CCT5: variants seen among roughly 807,000 people sequenced by gnomAD.
The protein encoded by CCT5 is chaperonin containing TCP1 subunit 5, also known as T-complex protein 1 subunit epsilon.
A neutral mutation model predicts 55.0 loss-of-function variants in CCT5; 6 were observed. The observed-to-expected ratio is 0.11, with a 90% CI of 0.06 to 0.22. The LOEUF (loss-of-function observed/expected upper bound fraction) is 0.22, where lower values mean the gene tolerates loss of function less well. Among genes scored for constraint, CCT5 ranks in the 10% least tolerant of loss-of-function variants. CCT5 has a pLI of 1.00. For missense variants in CCT5, 560 were observed against 694.6 expected, an observed-to-expected ratio of 0.81 and a Z score of 2.18; for synonymous variants, 231 against 243.7, an observed-to-expected ratio of 0.95 and a Z score of 0.49.
Position 10,258,232 on chromosome 5 carries a change from A to G in CCT5, c.652A>G (p.Arg218Gly). 1 of 1,614,260 alleles carries G rather than the reference A, an allele frequency of 6.2e-7. No homozygotes were observed. The highest frequency in any genetic ancestry group is 8.5e-7 in the Non-Finnish European group (1 of 1,180,042). ...LIKVEGKVGG[R>G]LEDTKLIKGV... ...CAAAGTAGAAGGCAAAGTGGGCGGC[A>G]GGCTGGAGGACACTAAACTGATTAA... Residue 218 changes from arginine (R) to glycine (G), a missense_variant, in exon 5 of 11, where the codon AGG (arginine) becomes GGG (glycine). Arg to Gly is a moderately radical substitution (Grantham distance 125). Coordinates refer to ENST00000280326, the MANE Select transcript of CCT5 (RefSeq NM_012073.5).
At chr5:10,261,858 T>C (rs769955803) in intron 8 of CCT5, 113 bp downstream of exon 8, 1 of 846,082 alleles carries the variant, frequency 1.2e-6, no homozygotes, top group Non-Finnish European at 2.0e-6. Context: ...ATAATCGTGG[T>C]TCTCAAACAA....
upstream of CCT5, chr5:10,250,080 C>T: frequency 6.5e-7 from 1 of 1,538,310 alleles, no homozygotes; most frequent in Non-Finnish European, 8.7e-7. Flanking sequence ...TCAATCTGCT[C>T]TTGACTTGTG....
intron 10 of CCT5, 182 bp from the exon 11 acceptor site, chr5:10,264,474 T>G (rs1746128041): frequency 3.4e-6 from 2 of 591,680 alleles, no homozygotes; most frequent in Admixed American, 5.2e-5. Flanking sequence ...AGAGTGTCCT[T>G]GGAAGTAATG....
At chr5:10,255,092 T>C (rs1745606458) in intron 3 of CCT5, 1 of 502,086 alleles carries the variant, frequency 2.0e-6, no homozygotes, top group African/African-American at 1.9e-5. Flanking sequence ...GCTTGTCTTT[T>C]AAGCTATAAA....
In CCT5 at chr5:10,264,950, A is replaced by G; in HGVS notation, c.*167A>G. ...TAGTTTCACTTGTTCAAAGCTGTGT[A>G]ATCGTGGGGGTACCATCTCAACTGC... is the stretch of plus-strand genomic sequence containing the variant. On this transcript the variant is annotated 3_prime_UTR_variant, in exon 11 of 11. Transcript: ENST00000280326. 2.4e-6 allele frequency: 2 copies of G among 824,932 alleles called. No homozygotes were observed. Among genetic ancestry groups the G allele is most frequent in the Non-Finnish European group, 1.9e-6 (1 of 525,558 alleles). The allele number at this position is 824,932 out of a possible 1,614,324, so 51.1% of individuals were successfully genotyped here.
intron 6 of CCT5, among the ~76,000 whole-genome samples, chr5:10,259,178 A>G (rs1745830181): frequency 6.6e-6 from 1 of 152,310 alleles, no homozygotes; most frequent in African/African-American, 2.4e-5. Context: ...ACCAGAATGC[A>G]CTCATAGTAA....
chr5:10,262,751 CTAAGT>C (rs1746030337), intron 9 of CCT5, 133 bp downstream of exon 9: 2 of 950,464 alleles, frequency 2.1e-6, no homozygotes, highest in Non-Finnish European at 3.4e-6. Flanking sequence ...GTGTTTTAAT[CTAAGT>C]TAATTCCCAC....
At chr5:10,257,449 A>G (rs1328558330) in intron 4 of CCT5, among the ~76,000 whole-genome samples, 2 of 152,260 alleles carry the variant, frequency 1.3e-5, no homozygotes, top group Non-Finnish European at 2.9e-5. Flanking sequence ...TACTTAAGAT[A>G]CAACATGTTT....
chr5:10,260,500 G>A (rs781305171), intron 6 of CCT5, among the ~76,000 whole-genome samples: 5 of 152,016 alleles, frequency 3.3e-5, no homozygotes, highest in Non-Finnish European at 7.4e-5. Flanking sequence ...TAGCTTTGTT[G>A]ACGTTTCTGT....
intron 1 of CCT5, 56 bp downstream of exon 1, chr5:10,250,501 G>C: frequency 6.2e-7 from 1 of 1,602,668 alleles, no homozygotes; most frequent in Non-Finnish European, 8.5e-7. Flanking sequence ...CGAGGCCGTG[G>C]CTCTGCGCCT....
chr5:10,263,227 A>T lies in CCT5; in HGVS notation c.1411A>T (p.Ile471Phe). The T allele has an allele frequency of 1.2e-6, 2 of 1,614,182 alleles. No homozygotes were observed. The highest frequency in any genetic ancestry group is 1.7e-6 in the Non-Finnish European group (2 of 1,180,012). ...CTCTGAAAACAGTGGCATGAATCCCATCCAGACTATGACCGAAGTCCGAGC... is the reference window on the plus strand; with the variant it reads ...CTCTGAAAACAGTGGCATGAATCCCTTCCAGACTATGACCGAAGTCCGAGC... The part of the protein sequence containing the change: ...ALSENSGMNP[I>F]QTMTEVRARQ... The change falls in exon 10 of 11, where the codon ATC becomes TTC. Residue 471 changes from isoleucine (I) to phenylalanine (F), a missense_variant. This residue lies in a region of CCT5 where 115 missense variants were observed against 105.0 expected (regional missense o/e 1.10). Coordinates refer to ENST00000280326, the MANE Select transcript of CCT5 (RefSeq NM_012073.5).
At chr5:10,251,048 T>C (rs1240617656) in intron 1 of CCT5, among the ~76,000 whole-genome samples, 1 of 152,214 alleles carries the variant, frequency 6.6e-6, no homozygotes, top group Non-Finnish European at 1.5e-5. Context: ...ATAAGCGTGG[T>C]GCTGGAGGAC....
intron 7 of CCT5, 53 bp from the exon 8 acceptor site, chr5:10,261,507 A>G: frequency 6.4e-7 from 1 of 1,570,952 alleles, no homozygotes; most frequent in South Asian, 1.1e-5. Flanking sequence ...CCAGTTTTGA[A>G]AGTTAACTTC....
chr5:10,259,808 T>G (rs1406317518), intron 6 of CCT5, among the ~76,000 whole-genome samples: 1 of 151,996 alleles, frequency 6.6e-6, no homozygotes, highest in Non-Finnish European at 1.5e-5. Flanking sequence ...ACAGATAAAT[T>G]GAGAGGCCAG....
intron 1 of CCT5, among the ~76,000 whole-genome samples, chr5:10,253,199 G>A (rs1415411005): frequency 2.6e-5 from 4 of 152,198 alleles, no homozygotes; most frequent in East Asian, 3.9e-4. Flanking sequence ...GCGTCATGGC[G>A]CGTGCCTGTA....
At position 10,254,646 on chromosome 5, in the gene CCT5, G is replaced by A. The variant is rs376413890; in HGVS notation, c.167-28G>A. The A allele has an allele frequency of 3.9e-4, 635 of 1,612,040 alleles. 11 individuals carry two copies. In the South Asian group the frequency reaches 6.1e-3, roughly 16 times the overall value. On this transcript the variant is annotated intron_variant, in intron 2 of 10. Transcript: ENST00000280326. ...GTGATATTGGTTGCCAGTTTTTTGC[G>A]CAAAGCCTACTAAACGTTGTTTTTT...
upstream of CCT5, chr5:10,250,279 T>C (rs745378487): frequency 2.5e-6 from 4 of 1,611,118 alleles, no homozygotes; most frequent in African/African-American, 2.7e-5. Flanking sequence ...GAAAGGGAAG[T>C]GCATTCTCGC....
chr5:10,258,758 G>A (rs1261327901), intron 6 of CCT5, among the ~76,000 whole-genome samples: 2 of 152,194 alleles, frequency 1.3e-5, no homozygotes, highest in Non-Finnish European at 2.9e-5. Context: ...CCAGCACTTT[G>A]GGAGGCTAAG....
At chr5:10,258,832 A>G (rs1252378348) in intron 6 of CCT5, among the ~76,000 whole-genome samples, 1 of 152,170 alleles carries the variant, frequency 6.6e-6, no homozygotes, top group Non-Finnish European at 1.5e-5. Context: ...TTTCTACTAA[A>G]AACACAAAAA....
Sources: allele counts gnomAD v4.1 joint callset (sites outside exome capture counted in the v4.1 genomes callset), GRCh38; gene constraint gnomAD v4.1.1; regional missense constraint gnomAD v4.1.1; transcripts MANE v1.5; gene names NCBI Gene and HGNC (gene_info 2026-07-23, HGNC 2026-07-21).